The following NOS1AP variants were observed in gnomAD, a reference collection of about 807,000 sequenced individuals.
NOS1AP encodes carboxyl-terminal PDZ ligand of neuronal nitric oxide synthase protein.
In NOS1AP, 21 loss-of-function variants were observed where a neutral mutation model predicts 56.2. The observed-to-expected ratio is 0.37, with a 90% CI of 0.26 to 0.54. The LOEUF is 0.54. Among genes scored for constraint, NOS1AP ranks in the 20% least tolerant of loss-of-function variants. The pLI, the probability that NOS1AP is intolerant of heterozygous loss-of-function variation, is 0.84. For missense variants in NOS1AP, 522 were observed against 657.8 expected, an observed-to-expected ratio of 0.79 and a Z score of 2.26; for synonymous variants, 270 against 274.6, an observed-to-expected ratio of 0.98 and a Z score of 0.17.
chr1:162,356,642 A>G (rs1013321199), intron 7 of NOS1AP, among the ~76,000 whole-genome samples: 1 of 152,202 alleles, frequency 6.6e-6, no homozygotes, highest in East Asian at 1.9e-4. Context: ...TAGAACCTCA[A>G]GGAACTCAGT....
intron 1 of NOS1AP, among the ~76,000 whole-genome samples, chr1:162,081,771 TATA>T (rs1204025136): frequency 7.8e-5 from 4 of 51,584 alleles, no homozygotes; most frequent in Non-Finnish European, 1.9e-4. Flanking sequence ...TATATATATA[TATA>T]TTTTTTTTTT....
intron 2 of NOS1AP, among the ~76,000 whole-genome samples, chr1:162,212,640 C>G (rs1652392494): frequency 6.6e-6 from 1 of 152,122 alleles, no homozygotes; most frequent in Non-Finnish European, 1.5e-5. Context: ...ATTGTAAAAG[C>G]TTCGGGATTT....
intron 2 of NOS1AP, among the ~76,000 whole-genome samples, chr1:162,164,969 C>T (rs1426586314): frequency 6.6e-6 from 1 of 152,120 alleles, no homozygotes; most frequent in Non-Finnish European, 1.5e-5. Flanking sequence ...TGTTAGTCTT[C>T]AATAATCCCA....
intron 1 of NOS1AP, among the ~76,000 whole-genome samples, chr1:162,133,018 G>A (rs1005454206): frequency 6.6e-6 from 1 of 152,186 alleles, no homozygotes; most frequent in African/African-American, 2.4e-5. Context: ...CATCAGTGAG[G>A]TCCAGTGTGA....
chr1:162,161,951 C>T (rs1650243038), intron 2 of NOS1AP, among the ~76,000 whole-genome samples: 1 of 152,184 alleles, frequency 6.6e-6, no homozygotes, highest in Admixed American at 6.5e-5. Context: ...TATTTTTAAC[C>T]AGTCAGTACA....
At chr1:162,111,167 AG>A (rs1339908072) in intron 1 of NOS1AP, among the ~76,000 whole-genome samples, 1 of 152,190 alleles carries the variant, frequency 6.6e-6, no homozygotes, top group Non-Finnish European at 1.5e-5. Context: ...GTATAAGACT[AG>A]GATGCTGCTT....
At chr1:162,212,101 G>C (rs758862777) in intron 2 of NOS1AP, among the ~76,000 whole-genome samples, 2 of 152,306 alleles carry the variant, frequency 1.3e-5, no homozygotes, top group Non-Finnish European at 2.9e-5. Context: ...GTGTTGCTGA[G>C]TTTTCCTCCC....
chr1:162,208,401 G>T (rs986536401), intron 2 of NOS1AP, among the ~76,000 whole-genome samples: 1 of 152,190 alleles, frequency 6.6e-6, no homozygotes, highest in African/African-American at 2.4e-5. Flanking sequence ...TGCCTACAAA[G>T]TTCCTGACAC....
At chr1:162,111,125 A>G (rs1647692680) in intron 1 of NOS1AP, among the ~76,000 whole-genome samples, 1 of 152,244 alleles carries the variant, frequency 6.6e-6, no homozygotes, top group African/African-American at 2.4e-5. Flanking sequence ...TGTAGGAAGT[A>G]AAACTGGGCA....
At chr1:162,300,550 T>C in intron 3 of NOS1AP, 83 bp from the exon 4 acceptor site, 1 of 1,233,082 alleles carries the variant, frequency 8.1e-7, no homozygotes, top group Non-Finnish European at 1.2e-6. Context: ...AGGAGCAAAA[T>C]GCATGTGTTT....
chr1:162,108,060 A>G (rs1403805991), intron 1 of NOS1AP, among the ~76,000 whole-genome samples: 1 of 152,234 alleles, frequency 6.6e-6, no homozygotes, highest in East Asian at 1.9e-4. Context: ...ACCTCTGTCC[A>G]CAGAGAAGGG....
In NOS1AP at chr1:162,253,233, G is replaced by A. The variant is rs182541256; in HGVS notation, c.178-34111G>A. Among the ~76,000 whole-genome samples, 572 of 152,230 alleles carry A rather than the reference G, an allele frequency of 3.8e-3. 13 individuals are homozygous for A. The highest frequency in any genetic ancestry group is 2.5e-3 in the Non-Finnish European group (167 of 68,012). On this transcript the variant is annotated intron_variant, in intron 2 of 9. Transcript: ENST00000361897. ...ACACTTCTTCCTTCCGCCATGGGACGATGCAGCAAGAAGGTCCTTGTCAGA... is the reference window on the plus strand; with the variant it reads ...ACACTTCTTCCTTCCGCCATGGGACAATGCAGCAAGAAGGTCCTTGTCAGA...
chr1:162,324,416 CTTTTTTTTTTTTTTTTTT>C (rs35946766), intron 4 of NOS1AP, among the ~76,000 whole-genome samples: 2 of 72,172 alleles, frequency 2.8e-5, no homozygotes, highest in African/African-American at 9.9e-5. Context: ...GGACACTAGC[CTTTTTTTTTTTTTTTTTT>C]TTTTTTTTTT....
intron 2 of NOS1AP, among the ~76,000 whole-genome samples, chr1:162,259,733 T>A (rs1654150141): frequency 6.6e-6 from 1 of 152,242 alleles, no homozygotes; most frequent in Non-Finnish European, 1.5e-5. Context: ...CATTAACATG[T>A]GCATTGTAGA....
intron 2 of NOS1AP, among the ~76,000 whole-genome samples, chr1:162,159,942 G>A (rs1338463978): frequency 3.9e-5 from 6 of 152,100 alleles, no homozygotes; most frequent in African/African-American, 1.4e-4. Context: ...TTCATCTTTG[G>A]AACCCACTGT....
chr1:162,158,277 C>G (rs1429832136), intron 2 of NOS1AP, among the ~76,000 whole-genome samples: 2 of 152,180 alleles, frequency 1.3e-5, no homozygotes, highest in Non-Finnish European at 2.9e-5. Flanking sequence ...TTTCGCTTAG[C>G]ATAATGTCAT....
chr1:162,101,403 C>T (rs1244809214), intron 1 of NOS1AP, among the ~76,000 whole-genome samples: 1 of 152,140 alleles, frequency 6.6e-6, no homozygotes, highest in Non-Finnish European at 1.5e-5. Context: ...TTAGGATTGT[C>T]TTGGCTATTT....
intron 1 of NOS1AP, among the ~76,000 whole-genome samples, chr1:162,147,057 C>T (rs1333280940): frequency 2.0e-5 from 3 of 152,054 alleles, no homozygotes; most frequent in Non-Finnish European, 2.9e-5. Flanking sequence ...AGGCCGGGCG[C>T]GGTGGCTCAT....
chr1:162,356,268 A>C (rs1657702332), intron 7 of NOS1AP, among the ~76,000 whole-genome samples: 1 of 152,244 alleles, frequency 6.6e-6, no homozygotes, highest in Non-Finnish European at 1.5e-5. Flanking sequence ...AATTCTATGA[A>C]TCGTAGAAGC....
Sources: gnomAD v4.1 joint callset for allele counts (sites outside exome capture counted in the v4.1 genomes callset) on GRCh38, gnomAD v4.1.1 for gene constraint, MANE v1.5 for transcripts, NCBI Gene and HGNC (gene_info 2026-07-23, HGNC 2026-07-21) for gene names.